The following HECW1 variants were observed in gnomAD, a reference collection of about 807,000 sequenced individuals.
The protein encoded by HECW1 is E3 ubiquitin-protein ligase HECW1.
HECW1 carries 61 observed loss-of-function variants against 182.3 expected under a neutral mutation model. The ratio of observed to expected loss-of-function variants is 0.33; its 90% CI spans 0.27 to 0.41. HECW1 has a LOEUF of 0.41. Ranked by LOEUF, HECW1 falls within the 10% of genes least tolerant of loss-of-function variation. HECW1 has a pLI of 1.00. For missense variants in HECW1, 1,739 were observed against 2,108.9 expected, an observed-to-expected ratio of 0.82 and a Z score of 3.44; for synonymous variants, 859 against 832.6, an observed-to-expected ratio of 1.03 and a Z score of -0.55.
At chr7:43,395,203 A>G (rs7455224) in intron 6 of HECW1, among the ~76,000 whole-genome samples, 21,153 of 152,150 alleles carry the variant, frequency 0.14, 1,603 homozygotes, top group South Asian at 0.25. Flanking sequence ...CGTTAGTCCT[A>G]CAAAGACAAT....
chr7:43,113,953 A>G (rs1398686966), intron 1 of HECW1: 1 of 283,974 alleles, frequency 3.5e-6, no homozygotes, highest in Non-Finnish European at 6.7e-6. Context: ...TGGCAGGGAC[A>G]CAGGCTGCAG....
At chr7:43,118,988 C>T (rs1390045684) in intron 2 of HECW1, 1 of 152,146 alleles carries the variant, frequency 6.6e-6, no homozygotes, top group East Asian at 1.9e-4. Context: ...TTCTTCACTC[C>T]CTCCATCTCA....
intron 2 of HECW1, among the ~76,000 whole-genome samples, chr7:43,189,816 G>A (rs1410376279): frequency 2.0e-5 from 3 of 152,158 alleles, no homozygotes; most frequent in Admixed American, 6.6e-5. Flanking sequence ...AAGTAGATAC[G>A]TCTCATAAAA....
intron 6 of HECW1, among the ~76,000 whole-genome samples, chr7:43,369,820 C>T (rs527345896): frequency 7.2e-5 from 11 of 152,238 alleles, no homozygotes; most frequent in East Asian, 5.8e-4. Flanking sequence ...ATAGACAAAA[C>T]GAAATGTTCA....
intron 7 of HECW1, among the ~76,000 whole-genome samples, chr7:43,403,115 G>T (rs1374662734): frequency 6.6e-6 from 1 of 152,150 alleles, no homozygotes; most frequent in Non-Finnish European, 1.5e-5. Context: ...TTTTTCCTCT[G>T]GTTTTCATAA....
intron 13 of HECW1, among the ~76,000 whole-genome samples, chr7:43,461,975 G>A (rs568896439): frequency 2.0e-5 from 3 of 152,304 alleles, no homozygotes; most frequent in Admixed American, 6.5e-5. Flanking sequence ...TTCAATTTCT[G>A]TAACTTTAAC....
intron 2 of HECW1, among the ~76,000 whole-genome samples, chr7:43,203,928 G>A (rs1297673635): frequency 6.6e-6 from 1 of 152,126 alleles, no homozygotes; most frequent in Admixed American, 6.5e-5. Flanking sequence ...TATTCACTAT[G>A]TTTAGATGTA....
intron 3 of HECW1, among the ~76,000 whole-genome samples, chr7:43,292,231 G>A (rs1468509305): frequency 4.6e-5 from 7 of 152,178 alleles, no homozygotes; most frequent in Non-Finnish European, 7.3e-5. Context: ...AGGATAATGT[G>A]TCCTAAGCCC....
chr7:43,394,980 C>T (rs1209615934), intron 6 of HECW1, among the ~76,000 whole-genome samples: 1 of 151,544 alleles, frequency 6.6e-6, no homozygotes, highest in Admixed American at 6.6e-5. Flanking sequence ...CATAGGGAGT[C>T]GGAGCTGTCT....
At chr7:43,453,912 C>A (rs895354990) in intron 12 of HECW1, among the ~76,000 whole-genome samples, 2 of 152,124 alleles carry the variant, frequency 1.3e-5, no homozygotes. Context: ...AAAGTAAATT[C>A]TTTACAAAGC....
intron 4 of HECW1, among the ~76,000 whole-genome samples, chr7:43,313,414 C>T (rs201364765): frequency 3.7e-4 from 56 of 151,532 alleles, no homozygotes; most frequent in African/African-American, 1.3e-3. Flanking sequence ...CTCAGCTCAC[C>T]GCAACCTCTG....
At chr7:43,324,521 C>T (rs1260820606) in intron 5 of HECW1, among the ~76,000 whole-genome samples, 1 of 152,170 alleles carries the variant, frequency 6.6e-6, no homozygotes, top group African/African-American at 2.4e-5. Context: ...GAAACGTTCT[C>T]ATATGGCTAT....
At chr7:43,126,046 G>A (rs1032562272) in intron 2 of HECW1, among the ~76,000 whole-genome samples, 32 of 141,832 alleles carry the variant, frequency 2.3e-4, no homozygotes, top group African/African-American at 6.3e-4. Context: ...CAAGGCGTGC[G>A]TGTATATGAG....
chr7:43,241,194 T>C (rs1256335876), intron 2 of HECW1: 1 of 152,292 alleles, frequency 6.6e-6, no homozygotes, highest in East Asian at 1.9e-4. Flanking sequence ...CGTGCAGATC[T>C]GTGTAGCTGA....
chr7:43,477,090 T>C (rs142008144), intron 16 of HECW1, among the ~76,000 whole-genome samples: 84 of 152,148 alleles, frequency 5.5e-4, no homozygotes, highest in African/African-American at 1.9e-3. Flanking sequence ...CATGAGAAAA[T>C]GTTTTTCTTT....
At chr7:43,462,747 G>C (rs879548647) in intron 13 of HECW1, among the ~76,000 whole-genome samples, 4 of 152,350 alleles carry the variant, frequency 2.6e-5, no homozygotes, top group Non-Finnish European at 5.9e-5. Flanking sequence ...TGATGCCGCT[G>C]CCAGGCATCT....
At chr7:43,241,614 G>GTA (rs1156299694) in intron 2 of HECW1, 1 of 110,404 alleles carries the variant, frequency 9.1e-6, no homozygotes, top group Non-Finnish European at 1.9e-5. Flanking sequence ...CTCTCCTAAT[G>GTA]TATGTGTGTG....
intron 3 of HECW1, among the ~76,000 whole-genome samples, chr7:43,304,763 GGATTACAGGCGT>G (rs1383504802): frequency 6.6e-6 from 1 of 152,148 alleles, no homozygotes; most frequent in African/African-American, 2.4e-5. Flanking sequence ...CAAAGTGTTG[GGATTACAGGCGT>G]GAGCCATAGC....
At chr7:43,237,382 C>T (rs11974924) in intron 2 of HECW1, among the ~76,000 whole-genome samples, 8,967 of 152,228 alleles carry the variant, frequency 0.059, 389 homozygotes, top group South Asian at 0.13. Flanking sequence ...CTCATCTGTT[C>T]GGTGTGTCTC....
Sources: gnomAD v4.1 joint callset for allele counts (sites outside exome capture counted in the v4.1 genomes callset) on GRCh38, gnomAD v4.1.1 for gene constraint, MANE v1.5 for transcripts, NCBI Gene and HGNC (gene_info 2026-07-23, HGNC 2026-07-21) for gene names.